TENM2: variants seen among roughly 807,000 people sequenced by gnomAD.
TENM2 encodes teneurin-2.
Under a neutral mutation model 245.2 loss-of-function variants are expected in TENM2, and 52 were observed. The ratio of observed to expected loss-of-function variants is 0.21; its 90% CI spans 0.17 to 0.27. The LOEUF (loss-of-function observed/expected upper bound fraction) is 0.27, where lower values mean the gene tolerates loss of function less well. Among genes scored for constraint, TENM2 ranks in the 10% least tolerant of loss-of-function variants. The probability of loss-of-function intolerance (pLI) is 1.00; values close to 1 mark genes in which losing one functional copy is unlikely to be tolerated. For missense variants in TENM2, 3,046 were observed against 3,666.8 expected, an observed-to-expected ratio of 0.83 and a Z score of 4.37; for synonymous variants, 1,363 against 1,438.9, an observed-to-expected ratio of 0.95 and a Z score of 1.19.
chr5:168,193,075 G>C (rs1357935071), intron 14 of TENM2, among the ~76,000 whole-genome samples: 2 of 152,188 alleles, frequency 1.3e-5, no homozygotes, highest in East Asian at 1.9e-4. Context: ...GACTATGCCA[G>C]CCCAGGAGAC....
At chr5:168,045,515 G>A (rs1309399499) in intron 5 of TENM2, among the ~76,000 whole-genome samples, 1 of 152,170 alleles carries the variant, frequency 6.6e-6, no homozygotes, top group Non-Finnish European at 1.5e-5. Context: ...TTTGAGATGG[G>A]ATGTTGGGGA....
chr5:167,652,495 C>T (rs1490636025), intron 2 of TENM2, among the ~76,000 whole-genome samples: 2 of 152,120 alleles, frequency 1.3e-5, no homozygotes, highest in African/African-American at 4.8e-5. Flanking sequence ...CTTGCATTTG[C>T]AACAGTGAGG....
chr5:167,692,662 T>G (rs146107605), intron 2 of TENM2, among the ~76,000 whole-genome samples: 28 of 152,312 alleles, frequency 1.8e-4, no homozygotes, highest in African/African-American at 6.5e-4. Flanking sequence ...GCAGAAGCAA[T>G]TGTATTTATT....
chr5:167,359,102 CTT>C (rs1415208187), intron 1 of TENM2, among the ~76,000 whole-genome samples: 2 of 152,148 alleles, frequency 1.3e-5, no homozygotes, highest in Non-Finnish European at 2.9e-5. Flanking sequence ...CTTTACTACT[CTT>C]TGCAGCAAAT....
At chr5:167,471,740 G>A (rs754198816) in intron 2 of TENM2, among the ~76,000 whole-genome samples, 69 of 152,160 alleles carry the variant, frequency 4.5e-4, no homozygotes, top group Non-Finnish European at 7.8e-4. Context: ...GGTGATAGAC[G>A]CAGAAGTATG....
At chr5:168,034,158 TATATGTATATATATACAC>T in intron 5 of TENM2, among the ~76,000 whole-genome samples, 1 of 102,960 alleles carries the variant, frequency 9.7e-6, no homozygotes, top group African/African-American at 3.5e-5. Context: ...TGTGTATATA[TATATGTATATATATACAC>T]ACACACACAC....
At chr5:167,650,861 T>G (rs1405931823) in intron 2 of TENM2, among the ~76,000 whole-genome samples, 1 of 152,168 alleles carries the variant, frequency 6.6e-6, no homozygotes, top group Non-Finnish European at 1.5e-5. Flanking sequence ...AACCAATGCA[T>G]GTAAACAGTC....
chr5:167,511,000 G>A (rs1432270475), intron 2 of TENM2, among the ~76,000 whole-genome samples: 1 of 152,010 alleles, frequency 6.6e-6, no homozygotes, highest in African/African-American at 2.4e-5. Flanking sequence ...GTGTGGTCCT[G>A]TTTGAACATG....
chr5:167,870,587 A>G lies in TENM2; in HGVS notation c.503-5399A>G, dbSNP rs1459358002. Among the ~76,000 whole-genome samples, 4 of 144,100 alleles carry G rather than the reference A, an allele frequency of 2.8e-5. No individual in the cohort carries two copies. The Admixed American group carries it at 2.8e-4, about 10-fold the overall frequency. The allele number at this position is 144,100 out of a possible 152,430, so 94.5% of individuals were successfully genotyped here. A position where few individuals can be genotyped will look rare whatever the true frequency, so the allele number is the denominator to read the frequency against. Reference sequence around the variant, plus strand: ...TATATATATGTGTGTGTATATATATATGTATATATATGTGTATATATGTAT... The same window carrying G: ...TATATATATGTGTGTGTATATATATGTGTATATATATGTGTATATATGTAT... On this transcript the variant is annotated intron_variant, in intron 2 of 28. Coordinates refer to ENST00000518659, the Ensembl canonical transcript of TENM2.
Position 167,868,568 on chromosome 5 carries a change from C to G in TENM2, c.503-7418C>G, listed in dbSNP as rs202169871. ...AGCCTGCAACATGGTGAAACCCCGT[C>G]TCTACTAAAAATCCAAATATTAGCC... On this transcript the variant is annotated intron_variant, in intron 2 of 28. Coordinates refer to ENST00000518659, the Ensembl canonical transcript of TENM2. Among the ~76,000 whole-genome samples, 61 of 151,852 alleles carry G rather than the reference C, an allele frequency of 4.0e-4. 1 individual carries two copies. The East Asian group carries it at 4.3e-3, about 11-fold the overall frequency.
At chr5:166,995,074 G>T in the TENM2 span, among the ~76,000 whole-genome samples, 1 of 152,116 alleles carries the variant, frequency 6.6e-6, no homozygotes, top group Admixed American at 6.6e-5. Context: ...TCTTGCACAA[G>T]TGTCAGAGAG....
At chr5:167,029,864 T>C in the TENM2 span, among the ~76,000 whole-genome samples, 1 of 152,154 alleles carries the variant, frequency 6.6e-6, no homozygotes, top group African/African-American at 2.4e-5. Flanking sequence ...TGTAAGGGAA[T>C]ATAAAGTGGA....
rs1757850964 is a variant in TENM2 at position 168,162,635 on chromosome 5, G to C, written c.2447G>C (p.Gly816Ala). 1 of 1,613,980 alleles carries C rather than the reference G, an allele frequency of 6.2e-7. No homozygotes were observed. The stretch of plus-strand genomic sequence containing the variant: ...GATGGCTGCCCTGACTTGTGCAACG[G>C]TAACGGGAGATGCACACTGGGTCAG... Residue 816 changes from glycine to alanine, a missense_variant, in exon 13 of 29, where the codon GGT becomes GCT. Coordinates refer to ENST00000518659, the Ensembl canonical transcript of TENM2.
At chr5:167,132,610 C>G in the TENM2 span, among the ~76,000 whole-genome samples, 1 of 152,092 alleles carries the variant, frequency 6.6e-6, no homozygotes, top group African/African-American at 2.4e-5. Context: ...CTCCCCAATC[C>G]CCTGCATTTG....
At chr5:168,200,868 C>T (rs1761877783) in intron 17 of TENM2, among the ~76,000 whole-genome samples, 2 of 152,112 alleles carry the variant, frequency 1.3e-5, no homozygotes, top group African/African-American at 4.8e-5. Flanking sequence ...TAATTAAAAT[C>T]CAGAATCCTG....
chr5:167,232,493 C>T, the TENM2 span, among the ~76,000 whole-genome samples: 1 of 152,042 alleles, frequency 6.6e-6, no homozygotes, highest in South Asian at 2.1e-4. Flanking sequence ...CTGCCTCAGC[C>T]TCCCGTGTAG....
chr5:167,340,526 C>T (rs190301713), intron 1 of TENM2, among the ~76,000 whole-genome samples: 1 of 152,272 alleles, frequency 6.6e-6, no homozygotes, highest in Admixed American at 6.5e-5. Flanking sequence ...GGTATCCCTT[C>T]CTCTTCTTGT....
chr5:168,227,156 A>G (rs1764272205), intron 24 of TENM2, among the ~76,000 whole-genome samples: 1 of 150,570 alleles, frequency 6.6e-6, no homozygotes, highest in Non-Finnish European at 1.5e-5. Context: ...GAAGCAGTGT[A>G]TCTGTAAAAG....
At chr5:168,115,410 G>A (rs1581353568) in intron 9 of TENM2, among the ~76,000 whole-genome samples, 1 of 70,746 alleles carries the variant, frequency 1.4e-5, no homozygotes. Context: ...GGAAGGAAGG[G>A]AAAGGAAAGG....
Sources: gnomAD v4.1 joint callset for allele counts (sites outside exome capture counted in the v4.1 genomes callset) on GRCh38, gnomAD v4.1.1 for gene constraint, MANE v1.5 for transcripts, NCBI Gene and HGNC (gene_info 2026-07-23, HGNC 2026-07-21) for gene names.